PALD1: variants seen among roughly 807,000 people sequenced by gnomAD.
The protein encoded by PALD1 is paladin.
A neutral mutation model predicts 96.0 loss-of-function variants in PALD1; 57 were observed. The observed-to-expected ratio is 0.59, with a 90% CI of 0.48 to 0.74. The LOEUF (loss-of-function observed/expected upper bound fraction) is 0.74. Ranked by LOEUF, PALD1 falls within the 30% of genes least tolerant of loss-of-function variation. PALD1 has a pLI of 0.00. For missense variants in PALD1, 1,063 were observed against 1,143.7 expected (o/e 0.93, Z 1.02); for synonymous variants, 464 against 473.6 (o/e 0.98, Z 0.26).
intron 10 of PALD1, 23 bp from the exon 11 acceptor site, chr10:70,537,788 T>A (rs1437311987): frequency 1.9e-6 from 3 of 1,568,078 alleles, no homozygotes; most frequent in Non-Finnish European, 2.6e-6. Flanking sequence ...AGTCTGTCCT[T>A]AACACCCTGT....
intron 1 of PALD1, among the ~76,000 whole-genome samples, chr10:70,510,919 G>A (rs74139663): frequency 0.013 from 2,003 of 152,242 alleles, 46 homozygotes; most frequent in African/African-American, 0.045. Context: ...TGTGCATCTC[G>A]TGTGTGTATC....
chr10:70,529,949 A>C lies in PALD1; in HGVS notation c.349A>C (p.Ser117Arg). 6.2e-7 allele frequency: 1 copy of C among 1,613,658 alleles called. No individual in the cohort carries two copies. Among genetic ancestry groups the C allele is most frequent in the Non-Finnish European group, 8.5e-7 (1 of 1,179,828 alleles). The change falls in exon 4 of 20, where the codon AGC becomes CGC. Residue 117 changes from serine (S) to arginine (R), a missense_variant. By Grantham distance (110) the Ser-to-Arg change is moderately radical. Coordinates refer to ENST00000263563, the MANE Select transcript of PALD1 (RefSeq NM_014431.3). Reference protein sequence around the residue: ...EKMDVLGTVGSCGAPNFRQVQ... With the variant: ...EKMDVLGTVGRCGAPNFRQVQ... ...GATGGATGTGCTGGGCACCGTGGGA[A>C]GCTGTGGGGCCCCCAACTTCCGGCA... is the stretch of plus-strand genomic sequence containing the variant.
chr10:70,513,596 A>C, intron 1 of PALD1, among the ~76,000 whole-genome samples: 1 of 152,320 alleles, frequency 6.6e-6, no homozygotes, highest in South Asian at 2.1e-4. Context: ...TTCTCTCTCT[A>C]AATCATGAAC....
At chr10:70,523,595 C>CA (rs1367215947) in intron 1 of PALD1, among the ~76,000 whole-genome samples, 1 of 152,114 alleles carries the variant, frequency 6.6e-6, no homozygotes, top group Non-Finnish European at 1.5e-5. Flanking sequence ...TGTTTGGGAA[C>CA]ATAGAGGCTC....
Position 70,539,462 on chromosome 10 carries a change from G to T in PALD1, c.1726-118G>T. 9.2e-7 allele frequency: 1 copy of T among 1,089,702 alleles called. No individual in the cohort carries two copies. The highest frequency in any genetic ancestry group is 1.3e-6 in the Non-Finnish European group (1 of 779,598). 67.5% of individuals were successfully genotyped at this position (1,089,702 alleles called of 1,614,324 possible). On this transcript the variant is annotated intron_variant, in intron 14 of 19. Transcript: ENST00000263563. The surrounding 1 kb of genome is among the most constrained non-coding windows in gnomAD (Gnocchi z 4.5). ...GTGGCTGTGACCCCTGAGGCTTGGG[G>T]GGGTCAGGGATGGGACTGGAAGCCA...
At chr10:70,462,086 C>T in the PALD1 span, among the ~76,000 whole-genome samples, 1 of 152,240 alleles carries the variant, frequency 6.6e-6, no homozygotes, top group Non-Finnish European at 1.5e-5. Flanking sequence ...AGCCACCACC[C>T]TCGGCTTGGC....
At chr10:70,523,241 G>C (rs1451400266) in intron 1 of PALD1, among the ~76,000 whole-genome samples, 1 of 152,234 alleles carries the variant, frequency 6.6e-6, no homozygotes, top group African/African-American at 2.4e-5. Context: ...GCTGGGGGCA[G>C]GCAGGGGAGG....
chr10:70,563,643 G>A (rs1253460312), intron 18 of PALD1, among the ~76,000 whole-genome samples: 2 of 152,190 alleles, frequency 1.3e-5, no homozygotes, highest in Non-Finnish European at 2.9e-5. Flanking sequence ...GAGGGCTGGG[G>A]GATCTGAGGG....
At chr10:70,464,616 T>C in the PALD1 span, among the ~76,000 whole-genome samples, 2 of 133,810 alleles carry the variant, frequency 1.5e-5, no homozygotes, top group Non-Finnish European at 1.5e-5. Flanking sequence ...AGGCTAAAAC[T>C]GTACCTCCTT....
At position 70,541,952 on chromosome 10, in the gene PALD1, C is replaced by T. The variant is rs573399703; in HGVS notation, c.2121+418C>T. On this transcript the variant is annotated intron_variant, in intron 17 of 19. Coordinates refer to ENST00000263563, the MANE Select transcript of PALD1 (RefSeq NM_014431.3). The stretch of plus-strand genomic sequence containing the variant: ...ATTTCAGATTAGGGCACTGGATGGC[C>T]AGCCACAAACATTCCAGATTTAGTC... Among the ~76,000 whole-genome samples, 486 of 152,344 alleles carry T rather than the reference C, an allele frequency of 3.2e-3. 3 individuals carry two copies. The highest frequency in any genetic ancestry group is 5.5e-3 in the Non-Finnish European group (373 of 68,026).
In PALD1 at chr10:70,532,674, C is replaced by G. The variant is rs376346914; in HGVS notation, c.687C>G (p.Thr229=). 6.2e-7 allele frequency: 1 copy of G among 1,614,180 alleles called. No individual in the cohort carries two copies. The highest frequency in any genetic ancestry group is 8.5e-7 in the Non-Finnish European group (1 of 1,180,014). Residue 229 remains threonine, a synonymous_variant, in exon 6 of 20, where the codon ACC becomes ACG. Transcript: ENST00000263563. The part of the protein sequence containing the change: ...SENTYHVYHN[T]EDLWGEPHAV... ...ACACATACCATGTGTACCATAACACCGAGGACCTGTGGGGGGAGCCCCATG... is the reference window on the plus strand; with the variant it reads ...ACACATACCATGTGTACCATAACACGGAGGACCTGTGGGGGGAGCCCCATG...
rs373835812 is a variant in PALD1, at chr10:70,538,927, C to T, written c.1488C>T (p.Ser496=). ...ATCTGGTCTCCCCGGACGCGCTCAGCACTGTCAGAGAGATGGATGTGGCCA... is the reference window on the plus strand; with the variant it reads ...ATCTGGTCTCCCCGGACGCGCTCAGTACTGTCAGAGAGATGGATGTGGCCA... ...EDDLVSPDAL[S]TVREMDVANF... The change falls in exon 13 of 20, where the codon AGC becomes AGT. Residue 496 remains serine, a synonymous_variant. Coordinates refer to ENST00000263563, the MANE Select transcript of PALD1 (RefSeq NM_014431.3). 1.7e-5 allele frequency: 27 copies of T among 1,613,782 alleles called. No homozygotes were observed. The highest frequency in any genetic ancestry group is 2.1e-5 in the Non-Finnish European group (25 of 1,179,990).
chr10:70,559,235 G>T (rs993727043), intron 18 of PALD1, among the ~76,000 whole-genome samples: 1 of 152,132 alleles, frequency 6.6e-6, no homozygotes, highest in Non-Finnish European at 1.5e-5. Flanking sequence ...AGGAGGAGCT[G>T]TGCTGGCATC....
rs1247850060 is a variant in PALD1, at chr10:70,528,759, G to A, written c.186-470G>A. On this transcript the variant is annotated intron_variant, in intron 2 of 19. Coordinates refer to ENST00000263563, the MANE Select transcript of PALD1 (RefSeq NM_014431.3). The stretch of plus-strand genomic sequence containing the variant: ...ACATCCAGGCTGGGATGGCTGCTCC[G>A]TGATCATCCAGGCCCCTTCTCCCTC... 7.9e-5 allele frequency among the ~76,000 whole-genome samples: 12 copies of A among 152,274 alleles called. No individual in the cohort carries two copies. In the East Asian group the frequency reaches 1.5e-3, roughly 20 times the overall value.
At chr10:70,508,206 T>C (rs911204150) in intron 1 of PALD1, among the ~76,000 whole-genome samples, 11 of 152,238 alleles carry the variant, frequency 7.2e-5, no homozygotes, top group Admixed American at 2.0e-4. Context: ...TTGTTGTTTA[T>C]GGAATATGTC....
intron 1 of PALD1, among the ~76,000 whole-genome samples, chr10:70,512,450 G>A (rs1846533098): frequency 6.6e-6 from 1 of 152,264 alleles, no homozygotes; most frequent in Non-Finnish European, 1.5e-5. Context: ...GGAAGCAGGG[G>A]CTGAGCCCGA....
Position 70,537,881 on chromosome 10 carries a change from T to G in PALD1, c.1298T>G (p.Leu433Arg), listed in dbSNP as rs753337936. 1 of 1,613,250 alleles carries G rather than the reference T, an allele frequency of 6.2e-7. No homozygotes were observed. The highest frequency in any genetic ancestry group is 1.7e-5 in the Admixed American group (1 of 60,030). ...CTGGAGCGATACTTCTACCTGATCC[T>G]GTTTAACTACTACCTTCATGAGCAG... The part of the protein sequence containing the change: ...WSLERYFYLI[L>R]FNYYLHEQYP... Residue 433 changes from leucine (L) to arginine (R), a missense_variant, in exon 11 of 20, where the codon CTG (leucine) becomes CGG (arginine). Physicochemically the swap from Leu to Arg is moderately radical, Grantham distance 102. Coordinates refer to ENST00000263563, the MANE Select transcript of PALD1 (RefSeq NM_014431.3).
chr10:70,529,351 T>G lies in PALD1; in HGVS notation c.288+20T>G. 1 of 1,304,026 alleles carries G rather than the reference T, an allele frequency of 7.7e-7. No individual in the cohort carries two copies. The highest frequency in any genetic ancestry group is 1.1e-6 in the Non-Finnish European group (1 of 907,812). 80.8% of individuals were successfully genotyped at this position (1,304,026 alleles called of 1,614,324 possible). On this transcript the variant is annotated intron_variant, in intron 3 of 19. Coordinates refer to ENST00000263563, the MANE Select transcript of PALD1 (RefSeq NM_014431.3). ...GTGCAAGTGAGCTCAGGCCTTACCCTGCCAGCCCGCCTGCTGCCTCCCACC... is the reference window on the plus strand; with the variant it reads ...GTGCAAGTGAGCTCAGGCCTTACCCGGCCAGCCCGCCTGCTGCCTCCCACC...
intron 12 of PALD1, 61 bp from the exon 13 acceptor site, chr10:70,538,831 T>C: frequency 1.4e-6 from 2 of 1,447,712 alleles, no homozygotes; most frequent in South Asian, 2.3e-5. Flanking sequence ...GGCCAGGTCC[T>C]GACCCTTTCT....
Sources: allele counts gnomAD v4.1 joint callset (sites outside exome capture counted in the v4.1 genomes callset), GRCh38; gene constraint gnomAD v4.1.1; non-coding constraint Gnocchi (gnomAD v3.1); transcripts MANE v1.5; gene names NCBI Gene and HGNC (gene_info 2026-07-23, HGNC 2026-07-21).